The following GIPR variants were observed in gnomAD, a reference collection of about 807,000 sequenced individuals.
The protein encoded by GIPR is gastric inhibitory polypeptide receptor.
A neutral mutation model predicts 62.2 loss-of-function variants in GIPR; 74 were observed. The ratio of observed to expected loss-of-function variants is 1.19; its 90% confidence interval spans 0.99 to 1.44. The LOEUF is 1.44. Among genes scored for constraint, GIPR ranks in the 40% most tolerant of loss-of-function variants. The pLI, the probability that GIPR is intolerant of heterozygous loss-of-function variation, is 0.00. For synonymous variants in GIPR, 256 were observed against 262.2 expected (o/e 0.98, Z 0.23); for missense variants, 664 against 611.8 (o/e 1.09, Z -0.90).
intron 6 of GIPR, chr19:45,674,452 A>C (rs977548662): frequency 3.5e-5 from 22 of 624,572 alleles, no homozygotes; most frequent in Admixed American, 1.3e-4. Context: ...TACGACAAAT[A>C]AAATTAGCTA....
rs139952137 is a variant in GIPR at position 45,670,698 on chromosome 19, T to C, written c.136T>C (p.Cys46Arg). 3.1e-6 allele frequency: 5 copies of C among 1,607,796 alleles called. No homozygotes were observed. The African/African-American group carries it at 5.4e-5, about 17-fold the overall frequency. ...GCGCTGGGAACGGTACCGCAGGGAGTGCCAGGAGACCTTGGCAGCCGCGGA... is the reference window on the plus strand; with the variant it reads ...GCGCTGGGAACGGTACCGCAGGGAGCGCCAGGAGACCTTGGCAGCCGCGGA... Reference protein sequence around the residue: ...YQRWERYRRECQETLAAAEPP... With the variant: ...YQRWERYRRERQETLAAAEPP... The change falls in exon 3 of 14, where the codon TGC (cysteine) becomes CGC (arginine). Residue 46 changes from cysteine to arginine, a missense_variant. Transcript: ENST00000590918.
chr19:45,672,686 A>G, intron 4 of GIPR, 165 bp from the exon 5 acceptor site: 1 of 648,992 alleles, frequency 1.5e-6, no homozygotes, highest in South Asian at 1.7e-5. Context: ...ATGAATATTA[A>G]ATTAATACAA....
chr19:45,677,867 T>G (rs746430007), intron 10 of GIPR, 39 bp from the exon 11 acceptor site: 2 of 1,606,186 alleles, frequency 1.2e-6, no homozygotes, highest in Non-Finnish European at 8.5e-7. Context: ...CCCTTCAGAA[T>G]GGGATCGCGG....
rs528144719 is a variant in GIPR at position 45,672,452 on chromosome 19, G to A, written c.281-399G>A. 3.0e-3 allele frequency among the ~76,000 whole-genome samples: 450 copies of A among 152,154 alleles called. 1 individual carries two copies. The highest frequency in any genetic ancestry group is 6.8e-3 in the Middle Eastern group (2 of 294). ...CTCCTGAGTAGCTGGGACTACAGGC[G>A]CACGCCACCACACCCAGCTAATTTT... On this transcript the variant is annotated intron_variant, in intron 4 of 13. Transcript: ENST00000590918.
Position 45,674,997 on chromosome 19 carries a change from A to C in GIPR, c.633+171A>C, listed in dbSNP as rs377713506. On this transcript the variant is annotated intron_variant, in intron 7 of 13. Coordinates refer to ENST00000590918, the MANE Select transcript of GIPR (RefSeq NM_000164.4). ...GGATCAAGACACATTTGGAGAGGGA[A>C]CCTCCCAACTCGGCCTCTGCCATCA... 2.4e-4 allele frequency: 158 copies of C among 646,038 alleles called. 1 individual carries two copies. In the East Asian group the frequency reaches 2.9e-3, roughly 12 times the overall value. 40.0% of individuals were successfully genotyped at this position (646,038 alleles called of 1,614,324 possible).
rs768835069 is a variant in GIPR at position 45,677,750 on chromosome 19, A to G, written c.895A>G (p.Ile299Val). ...CGAAGTCAAGGCCATTTGGTGGATT[A>G]TACGGACCCCCATCCTCATGACCAT... is the stretch of plus-strand genomic sequence containing the variant. ...RNEVKAIWWI[I>V]RTPILMTILI... Residue 299 changes from isoleucine (I) to valine (V), a missense_variant, in exon 10 of 14, where the codon ATA (isoleucine) becomes GTA (valine). Coordinates refer to ENST00000590918, the MANE Select transcript of GIPR (RefSeq NM_000164.4). 9.3e-6 allele frequency: 15 copies of G among 1,613,418 alleles called. No individual in the cohort carries two copies. The highest frequency in any genetic ancestry group is 1.1e-5 in the Non-Finnish European group (13 of 1,179,542).
At chr19:45,671,775 C>T (rs1322256457) in intron 4 of GIPR, among the ~76,000 whole-genome samples, 1 of 143,796 alleles carries the variant, frequency 7.0e-6, no homozygotes, top group Non-Finnish European at 1.5e-5. Flanking sequence ...CCACCACACC[C>T]GGCTTTTTTT....
At chr19:45,675,516 A>G (rs1029105295) in intron 7 of GIPR, 4 of 135,464 alleles carry the variant, frequency 3.0e-5, no homozygotes, top group African/African-American at 1.1e-4. Context: ...CAGAGGTTGC[A>G]GTGAGCTGAG....
Position 45,674,503 on chromosome 19 carries a change from G to C in GIPR, c.489-179G>C, listed in dbSNP as rs13306397. On this transcript the variant is annotated intron_variant, in intron 6 of 13. Coordinates refer to ENST00000590918, the MANE Select transcript of GIPR (RefSeq NM_000164.4). ...CACCTGTGGTACCAGCTATAGGGGG[G>C]CGCTGAGACAGGAGGATTGCTTGAG... 23,657 of 661,882 alleles carry C rather than the reference G, an allele frequency of 0.036. 3,040 individuals carry two copies. In the East Asian group the frequency reaches 0.38, roughly 11 times the overall value. The allele number at this position is 661,882 out of a possible 1,614,324, so 41.0% of individuals were successfully genotyped here.
Position 45,672,876 on chromosome 19 carries a change from G to A in GIPR, c.306G>A (p.Gln102=), listed in dbSNP as rs774479348. The change falls in exon 5 of 14, where the codon CAG becomes CAA. Residue 102 remains glutamine, a synonymous_variant. Coordinates refer to ENST00000590918, the MANE Select transcript of GIPR (RefSeq NM_000164.4). ...TGGCTGCAGGTTTCGTCCTCCGCCAGTGTGGCAGTGATGGCCAATGGGGAC... is the reference window on the plus strand; with the variant it reads ...TGGCTGCAGGTTTCGTCCTCCGCCAATGTGGCAGTGATGGCCAATGGGGAC... The part of the protein sequence containing the change: ...HHVAAGFVLR[Q]CGSDGQWGLW... The A allele has an allele frequency of 9.3e-6, 15 of 1,612,732 alleles. No individual in the cohort carries two copies. In the East Asian group the frequency reaches 1.8e-4, roughly 19 times the overall value.
At chr19:45,680,100 T>A (rs1421821436) in intron 12 of GIPR, among the ~76,000 whole-genome samples, 1 of 152,066 alleles carries the variant, frequency 6.6e-6, no homozygotes, top group African/African-American at 2.4e-5. Flanking sequence ...AAATAAAAAA[T>A]TAGCTGCCGG....
intron 2 of GIPR, 102 bp from the exon 3 acceptor site, chr19:45,670,533 C>CA: frequency 1.3e-6 from 1 of 758,218 alleles, no homozygotes; most frequent in Non-Finnish European, 2.3e-6. Context: ...CAACACGCAA[C>CA]AGACCCTCAA....
Position 45,677,691 on chromosome 19 carries a change from T to G in GIPR, c.855-19T>G. ...GTCTAGAGTTTTTCTATCTCTTAGC[T>G]CTACTCCGCCTTCCCCAGGTGCTGG... On this transcript the variant is annotated intron_variant, in intron 9 of 13. Transcript: ENST00000590918. 1 of 1,602,032 alleles carries G rather than the reference T, an allele frequency of 6.2e-7. No individual in the cohort carries two copies.
At chr19:45,672,530 C>T (rs1363823431) in intron 4 of GIPR, 1 of 357,564 alleles carries the variant, frequency 2.8e-6, no homozygotes, top group African/African-American at 2.1e-5. Context: ...TGGTCTCGAT[C>T]TCTTGACCTT....
chr19:45,681,628 T>A lies in GIPR; in HGVS notation c.1177T>A (p.Cys393Ser). Reference sequence around the variant, plus strand: ...GGGCTTCCTGGTCAGCGTCCTCTACTGCTTCATCAACAAGGAGGTAGGCAG... The same window carrying A: ...GGGCTTCCTGGTCAGCGTCCTCTACAGCTTCATCAACAAGGAGGTAGGCAG... Reference protein sequence around the residue: ...FQGFLVSVLYCFINKEVQSEI... With the variant: ...FQGFLVSVLYSFINKEVQSEI... The change falls in exon 13 of 14, where the codon TGC (cysteine) becomes AGC (serine). Residue 393 changes from cysteine (C) to serine (S), a missense_variant. By Grantham distance (112) the Cys-to-Ser change is moderately radical (BLOSUM62 -1). Transcript: ENST00000590918. 6.2e-7 allele frequency: 1 copy of A among 1,613,910 alleles called. No homozygotes were observed. The highest frequency in any genetic ancestry group is 8.5e-7 in the Non-Finnish European group (1 of 1,179,960).
At chr19:45,672,376 C>G (rs145237825) in intron 4 of GIPR, among the ~76,000 whole-genome samples, 1 of 151,488 alleles carries the variant, frequency 6.6e-6, no homozygotes, top group Non-Finnish European at 1.5e-5. Context: ...GGCGTGATCT[C>G]GGCTCACTGT....
chr19:45,677,874 G>A (rs1967037221), intron 10 of GIPR, 32 bp from the exon 11 acceptor site: 1 of 1,607,672 alleles, frequency 6.2e-7, no homozygotes, highest in Admixed American at 1.7e-5. Flanking sequence ...GAATGGGATC[G>A]CGGCTGGCTC....
chr19:45,674,037 C>A, intron 5 of GIPR, 37 bp from the exon 6 acceptor site: 1 of 1,253,360 alleles, frequency 8.0e-7, no homozygotes, highest in Non-Finnish European at 1.2e-6. Context: ...GGGCTTCGAG[C>A]CAAGCCTTGT....
intron 2 of GIPR, among the ~76,000 whole-genome samples, 191 bp downstream of exon 2, chr19:45,669,783 T>TA (rs1975441921): frequency 4.0e-5 from 6 of 151,302 alleles, no homozygotes; most frequent in South Asian, 2.1e-4. Flanking sequence ...CCCTCTCTAC[T>TA]AAAAAAAATA....
Sources: allele counts gnomAD v4.1 joint callset (sites outside exome capture counted in the v4.1 genomes callset), GRCh38; gene constraint gnomAD v4.1.1; transcripts MANE v1.5; gene names NCBI Gene and HGNC (gene_info 2026-07-23, HGNC 2026-07-21).